Variants in PKD1L1 observed in about 807,000 individuals in gnomAD.
PKD1L1 encodes polycystin-1-like protein 1.
Under a neutral mutation model 323.4 loss-of-function variants are expected in PKD1L1, and 236 were observed. The observed-to-expected ratio is 0.73, with a 90% CI of 0.66 to 0.81. The LOEUF (loss-of-function observed/expected upper bound fraction) is 0.81, where lower values mean the gene tolerates loss of function less well. Ranked by LOEUF, PKD1L1 falls within the 40% of genes least tolerant of loss-of-function variation. The probability of loss-of-function intolerance (pLI) is 0.00; values close to 1 mark genes in which losing one functional copy is unlikely to be tolerated. For synonymous variants in PKD1L1, 1,344 were observed against 1,335.0 expected (o/e 1.01, Z -0.15); for missense variants, 3,320 against 3,508.0 (o/e 0.95, Z 1.35).
chr7:47,886,197 CAG>C (rs1242895201), intron 17 of PKD1L1, 143 bp from the exon 18 acceptor site: 3 of 1,148,920 alleles, frequency 2.6e-6, no homozygotes, highest in African/African-American at 3.1e-5. Flanking sequence ...AGATACAGGG[CAG>C]AGAGTGTGGT....
intron 24 of PKD1L1, among the ~76,000 whole-genome samples, chr7:47,870,252 A>C (rs1273807379): frequency 6.6e-6 from 1 of 152,158 alleles, no homozygotes; most frequent in East Asian, 1.9e-4. Flanking sequence ...AAATTAGTGT[A>C]GAAATGAATG....
At chr7:47,882,448 T>G (rs1786581103) in intron 19 of PKD1L1, among the ~76,000 whole-genome samples, 1 of 151,822 alleles carries the variant, frequency 6.6e-6, no homozygotes, top group Non-Finnish European at 1.5e-5. Context: ...GTCCAAAAAA[T>G]AAATGAGAAA....
At position 47,853,159 on chromosome 7, in the gene PKD1L1, A is replaced by G; in HGVS notation, c.4928T>C (p.Val1643Ala). The G allele has an allele frequency of 6.2e-7, 1 of 1,613,820 alleles. No individual in the cohort carries two copies. Among genetic ancestry groups the G allele is most frequent in the Non-Finnish European group, 8.5e-7 (1 of 1,179,690 alleles). ...AGAAGCAGCAGGTATATAAATCTGC[A>G]CAATTGACTCATCCCAGAAGTAGAT... is the stretch of plus-strand genomic sequence containing the variant. Reference protein sequence around the residue: ...KQIYFWDESIVQIYIPAASQK... With the variant: ...KQIYFWDESIAQIYIPAASQK... Residue 1643 changes from valine (V) to alanine (A), a missense_variant, in exon 31 of 57, where the codon GTG becomes GCG. Coordinates refer to ENST00000289672, the MANE Select transcript of PKD1L1 (RefSeq NM_138295.5).
intron 26 of PKD1L1, among the ~76,000 whole-genome samples, chr7:47,861,307 A>G (rs925758839): frequency 6.6e-6 from 1 of 152,236 alleles, no homozygotes; most frequent in African/African-American, 2.4e-5. Flanking sequence ...TTGAAGTGCT[A>G]AAAACAAAGT....
chr7:47,808,265 A>C lies in PKD1L1; in HGVS notation c.7809T>G (p.Leu2603=). 6.2e-7 allele frequency: 1 copy of C among 1,614,136 alleles called. No homozygotes were observed. Among genetic ancestry groups the C allele is most frequent in the South Asian group, 1.1e-5 (1 of 91,068 alleles). ...GLCRAFMDLT[L]MASWNQRARW... is the part of the protein sequence containing the mutation. ...CGTGTACCTGATTCCATGATGCCATAAGGGTGAGGTCCATAAATGCTCGGC... is the reference window on the plus strand; with the variant it reads ...CGTGTACCTGATTCCATGATGCCATCAGGGTGAGGTCCATAAATGCTCGGC... The change falls in exon 52 of 57, where the codon CTT becomes CTG. Residue 2603 remains leucine (L), a synonymous_variant. Transcript: ENST00000289672.
intron 56 of PKD1L1, among the ~76,000 whole-genome samples, chr7:47,776,897 A>AT (rs1786580899): frequency 6.6e-6 from 1 of 151,852 alleles, no homozygotes; most frequent in African/African-American, 2.4e-5. Flanking sequence ...TTATTTATTT[A>AT]TTTATTTTTT....
At chr7:47,874,095 A>T (rs1204136572) in intron 23 of PKD1L1, 85 bp from the exon 24 acceptor site, 1 of 842,024 alleles carries the variant, frequency 1.2e-6, no homozygotes, top group African/African-American at 1.7e-5. Flanking sequence ...CATCTTCTGG[A>T]TGACTAAAAC....
chr7:47,815,027 C>A (rs1784985156), intron 47 of PKD1L1, among the ~76,000 whole-genome samples: 1 of 152,148 alleles, frequency 6.6e-6, no homozygotes, highest in South Asian at 2.1e-4. Context: ...TCCTGACCTC[C>A]CACCCCATCA....
In PKD1L1 at chr7:47,835,142, C is replaced by T. The variant is rs1785430661; in HGVS notation, c.6045G>A (p.Arg2015=). The T allele has an allele frequency of 6.3e-7, 1 of 1,598,844 alleles. No homozygotes were observed. The highest frequency in any genetic ancestry group is 1.3e-5 in the African/African-American group (1 of 74,160). The part of the protein sequence containing the change: ...PGAQLLSLLF[R]LSKEAPGSAR... Reference sequence around the variant, plus strand: ...GACAAGTCGCAGGTACCTTGCTGAGCCTGAAGAGCAGGGACAAGAGCTGGG... The same window carrying T: ...GACAAGTCGCAGGTACCTTGCTGAGTCTGAAGAGCAGGGACAAGAGCTGGG... Residue 2015 remains arginine, a synonymous_variant, in exon 38 of 57, where the codon AGG becomes AGA. Coordinates refer to ENST00000289672, the MANE Select transcript of PKD1L1 (RefSeq NM_138295.5).
At chr7:47,949,613 G>A (rs1445976389), upstream of PKD1L1, among the ~76,000 whole-genome samples, 2 of 152,044 alleles carry the variant, frequency 1.3e-5, no homozygotes, top group African/African-American at 4.8e-5. Context: ...TATTTTTAAA[G>A]CACTTGTTAG....
rs148509560 is a variant in PKD1L1, at chr7:47,856,198, C to T, written c.4591-933G>A. On this transcript the variant is annotated intron_variant, in intron 28 of 56. Coordinates refer to ENST00000289672, the MANE Select transcript of PKD1L1 (RefSeq NM_138295.5). ...GACTACAGGCACGTGCCACCACACT[C>T]GGCTAATTTTTGTATTTTTAGTAGA... 3.4e-4 allele frequency among the ~76,000 whole-genome samples: 51 copies of T among 152,100 alleles called. 1 individual carries two copies. Among genetic ancestry groups the T allele is most frequent in the African/African-American group, 1.0e-3 (43 of 41,546 alleles).
chr7:47,910,392 T>G (rs952698932), intron 8 of PKD1L1, among the ~76,000 whole-genome samples: 4 of 151,352 alleles, frequency 2.6e-5, no homozygotes, highest in African/African-American at 7.3e-5. Context: ...TAAAGTGCAG[T>G]GGCATGATCT....
intron 56 of PKD1L1, among the ~76,000 whole-genome samples, chr7:47,787,134 C>T (rs1184251210): frequency 6.6e-6 from 1 of 151,964 alleles, no homozygotes; most frequent in Admixed American, 6.6e-5. Context: ...TCCCCTCACA[C>T]AAAAAAGGGT....
chr7:47,886,319 G>A (rs536059845), intron 17 of PKD1L1, among the ~76,000 whole-genome samples: 1 of 151,338 alleles, frequency 6.6e-6, no homozygotes, highest in South Asian at 2.1e-4. Context: ...CCAAGTCGGG[G>A]GGGAGGGATC....
chr7:47,909,694 T>C (rs1437672457), intron 8 of PKD1L1, among the ~76,000 whole-genome samples: 1 of 152,226 alleles, frequency 6.6e-6, no homozygotes, highest in Non-Finnish European at 1.5e-5. Context: ...GGTTAAACAA[T>C]GTGCTATAGG....
chr7:47,885,883 G>A lies in PKD1L1; in HGVS notation c.3008C>T (p.Ser1003Leu). 6.2e-7 allele frequency: 1 copy of A among 1,614,206 alleles called. No homozygotes were observed. The highest frequency in any genetic ancestry group is 8.5e-7 in the Non-Finnish European group (1 of 1,180,036). ...CTCTGTGGGGGTTCCCCTTGGAGCT[G>A]AAGTGGCAGGTTGGCCAAGGGTCAC... The part of the protein sequence containing the change: ...SPVTLGQPAT[S>L]APRGTPTEPM... The change falls in exon 18 of 57, where the codon TCA (serine) becomes TTA (leucine). Residue 1003 changes from serine (S) to leucine (L), a missense_variant. By Grantham distance (145) the Ser-to-Leu change is moderately radical. Transcript: ENST00000289672.
rs6463449 is a variant in PKD1L1 at position 47,813,900 on chromosome 7, C to T, written c.7173+31G>A. 1 allele frequency: 1,582,771 copies of T among 1,587,262 alleles called. 789,265 individuals are homozygous for T. The highest frequency in any genetic ancestry group is 1 in the East Asian group (44,734 of 44,734). On this transcript the variant is annotated intron_variant, in intron 48 of 56. Transcript: ENST00000289672. ...CTAGACTTCTCTAATTCCATTTATT[C>T]TTGGAAGCAAAAGGAAAAGGAACAT...
intron 31 of PKD1L1, among the ~76,000 whole-genome samples, chr7:47,851,458 G>A (rs1290263711): frequency 6.6e-6 from 1 of 152,048 alleles, no homozygotes; most frequent in Non-Finnish European, 1.5e-5. Flanking sequence ...AGAGACAAGA[G>A]AGCAAGAGTA....
Position 47,812,550 on chromosome 7 carries a change from G to C in PKD1L1, c.7347-499C>G, listed in dbSNP as rs966215950. 9.2e-5 allele frequency among the ~76,000 whole-genome samples: 14 copies of C among 152,084 alleles called. 1 individual carries two copies. The highest frequency in any genetic ancestry group is 1.5e-4 in the Non-Finnish European group (10 of 68,028). ...TTATTGTAACTGTCTAGACCTCCCC[G>C]TTGCTCTAAGACCATCCGTGTTACC... On this transcript the variant is annotated intron_variant, in intron 49 of 56. Transcript: ENST00000289672.
Sources: gnomAD v4.1 joint callset for allele counts (sites outside exome capture counted in the v4.1 genomes callset) on GRCh38, gnomAD v4.1.1 for gene constraint, MANE v1.5 for transcripts, NCBI Gene and HGNC (gene_info 2026-07-23, HGNC 2026-07-21) for gene names.